The following SLC17A7 variants were observed in gnomAD, a reference collection of about 807,000 sequenced individuals.
SLC17A7 encodes solute carrier family 17 member 7, also known as vesicular glutamate transporter 1.
A neutral mutation model predicts 59.1 loss-of-function variants in SLC17A7; 15 were observed. The observed-to-expected ratio is 0.25, with a 90% CI of 0.17 to 0.39. SLC17A7 has a LOEUF of 0.39. Among genes scored for constraint, SLC17A7 ranks in the 10% least tolerant of loss-of-function variants. The pLI is 1.00. For missense variants in SLC17A7, 499 were observed against 765.1 expected, an observed-to-expected ratio of 0.65 and a Z score of 4.10; for synonymous variants, 353 against 308.9, an observed-to-expected ratio of 1.14 and a Z score of -1.50.
At chr19:49,434,104 C>A (rs1024979174) in intron 5 of SLC17A7, 58 bp from the exon 6 acceptor site, 5 of 1,115,458 alleles carry the variant, frequency 4.5e-6, no homozygotes, top group Non-Finnish European at 6.8e-6. Context: ...TCAAGGAGTG[C>A]GGACCCCCAC....
intron 11 of SLC17A7, 84 bp downstream of exon 11, chr19:49,430,931 A>G: frequency 3.2e-6 from 5 of 1,553,012 alleles, no homozygotes; most frequent in African/African-American, 1.4e-5. Flanking sequence ...CAGGGATGGC[A>G]CCCCAGAGAC....
Position 49,433,590 on chromosome 19 carries a change from T to C in SLC17A7, c.867+136A>G. The C allele has an allele frequency of 7.6e-7, 1 of 1,317,172 alleles. No individual in the cohort carries two copies. Among genetic ancestry groups the C allele is most frequent in the Non-Finnish European group, 1.1e-6 (1 of 935,558 alleles). 81.6% of individuals were successfully genotyped at this position (1,317,172 alleles called of 1,614,324 possible). Reference sequence around the variant, plus strand: ...CCTCCGCGGGTTGCAACCCGCCTCCTAGGTTCTAGCCCCTCTCTTTGCGTT... The same window carrying C: ...CCTCCGCGGGTTGCAACCCGCCTCCCAGGTTCTAGCCCCTCTCTTTGCGTT... On this transcript the variant is annotated intron_variant, in intron 7 of 11. Transcript: ENST00000221485. This position sits in a 1 kb window ranked among gnomAD's most constrained non-coding sequence, Gnocchi z 5.7.
rs1368681328 is a variant in SLC17A7, at chr19:49,439,869, A to AG, written c.62+1448dup. Among the ~76,000 whole-genome samples the AG allele has an allele frequency of 6.6e-5, 10 of 151,874 alleles. No homozygotes were observed. The East Asian group carries it at 1.5e-3, about 24-fold the overall frequency. ...GAGAAACAGAGGCAGAGACTGAGGG[A>AG]GGGGCCTGAGGAATACATCCCTCCC... On this transcript the variant is annotated intron_variant, in intron 1 of 11. Transcript: ENST00000221485.
rs1333810657 is a variant in SLC17A7, at chr19:49,430,020, G to A, written c.*499C>T. 1 of 164,152 alleles carries A rather than the reference G, an allele frequency of 6.1e-6. No homozygotes were observed. Among genetic ancestry groups the A allele is most frequent in the Non-Finnish European group, 1.3e-5 (1 of 75,976 alleles). 10.2% of individuals were successfully genotyped at this position (164,152 alleles called of 1,614,324 possible). The stretch of plus-strand genomic sequence containing the variant: ...CTGGTGAGAATCAATCCCTGGAATG[G>A]CGGGGACGAGTAATTGGTTAAACCA... On this transcript the variant is annotated 3_prime_UTR_variant, in exon 12 of 12. Coordinates refer to ENST00000221485, the MANE Select transcript of SLC17A7 (RefSeq NM_020309.4).
At chr19:49,434,529 G>A (rs543368876) in intron 5 of SLC17A7, 73 bp downstream of exon 5, 1 of 485,394 alleles carries the variant, frequency 2.1e-6, no homozygotes, top group Non-Finnish European at 3.6e-6. Flanking sequence ...GCCCCTCCCC[G>A]CTCAGACCCA....
In SLC17A7 at chr19:49,432,779, G is replaced by T; in HGVS notation, c.1017+32C>A. ...CCAGTTCCCTCCCGCCGACCCCTCCGCGCCCCCCTGCCCTCTCCTCCTGGG... is the reference window on the plus strand; with the variant it reads ...CCAGTTCCCTCCCGCCGACCCCTCCTCGCCCCCCTGCCCTCTCCTCCTGGG... On this transcript the variant is annotated intron_variant, in intron 8 of 11. Coordinates refer to ENST00000221485, the MANE Select transcript of SLC17A7 (RefSeq NM_020309.4). 3 of 1,569,028 alleles carry T rather than the reference G, an allele frequency of 1.9e-6. No individual in the cohort carries two copies. The South Asian group carries it at 3.4e-5, about 18-fold the overall frequency.
In SLC17A7 at chr19:49,435,273, CTGAACT is replaced by C; in HGVS notation, c.323_328del (p.Gln108_Ser110delinsArg). 1 of 1,613,438 alleles carries C rather than the reference CTGAACT, an allele frequency of 6.2e-7. No individual in the cohort carries two copies. Among genetic ancestry groups the C allele is most frequent in the Non-Finnish European group, 8.5e-7 (1 of 1,179,436 alleles). On this transcript the variant is annotated inframe_deletion, in exon 3 of 12. Transcript: ENST00000221485. ...GAGGCCGACAGTCTCTGGATCCCAG[CTGAACT>C]GGGCTTTCTGCGGGCCAAAATGTAC...
chr19:49,433,581 C>A lies in SLC17A7; in HGVS notation c.867+145G>T. Reference sequence around the variant, plus strand: ...GAATCTCGTCCTCCGCGGGTTGCAACCCGCCTCCTAGGTTCTAGCCCCTCT... The same window carrying A: ...GAATCTCGTCCTCCGCGGGTTGCAAACCGCCTCCTAGGTTCTAGCCCCTCT... On this transcript the variant is annotated intron_variant, in intron 7 of 11. Coordinates refer to ENST00000221485, the MANE Select transcript of SLC17A7 (RefSeq NM_020309.4). The surrounding 1 kb of genome is among the most constrained non-coding windows in gnomAD (Gnocchi z 5.7). 1.6e-6 allele frequency: 2 copies of A among 1,229,288 alleles called. No individual in the cohort carries two copies. The highest frequency in any genetic ancestry group is 1.2e-6 in the Non-Finnish European group (1 of 858,532). The allele number at this position is 1,229,288 out of a possible 1,614,324, so 76.1% of individuals were successfully genotyped here.
At position 49,436,362 on chromosome 19, in the gene SLC17A7, AG is replaced by A. The variant is rs1450513874; in HGVS notation, c.315+186del. Reference sequence around the variant, plus strand: ...CTTCATTTAGATCAGGACGGGGCTTAGGAAACGGAGGCGGCCCCTAAGGCGA... The same window carrying A: ...CTTCATTTAGATCAGGACGGGGCTTAGAAACGGAGGCGGCCCCTAAGGCGA... On this transcript the variant is annotated intron_variant, in intron 2 of 11. Coordinates refer to ENST00000221485, the MANE Select transcript of SLC17A7 (RefSeq NM_020309.4). This position sits in a 1 kb window ranked among gnomAD's most constrained non-coding sequence, Gnocchi z 4.1. Among the ~76,000 whole-genome samples the A allele has an allele frequency of 6.6e-6, 1 of 152,186 alleles. No individual in the cohort carries two copies. Among genetic ancestry groups the A allele is most frequent in the Non-Finnish European group, 1.5e-5 (1 of 68,022 alleles).
chr19:49,433,111 G>T lies in SLC17A7; in HGVS notation c.868-151C>A. ...GACCCAAAGGCGCGGGCTACACCAT[G>T]TTGCCGTGGGGACCCAGGGATCCTA... is the stretch of plus-strand genomic sequence containing the variant. On this transcript the variant is annotated intron_variant, in intron 7 of 11. Transcript: ENST00000221485. The surrounding 1 kb of genome is among the most constrained non-coding windows in gnomAD (Gnocchi z 5.7). The T allele has an allele frequency of 1.3e-6, 1 of 788,514 alleles. No homozygotes were observed. Among genetic ancestry groups the T allele is most frequent in the Non-Finnish European group, 2.0e-6 (1 of 498,460 alleles). The allele number at this position is 788,514 out of a possible 1,614,324, so 48.8% of individuals were successfully genotyped here.
rs748426290 is a variant in SLC17A7, at chr19:49,432,904, G to T, written c.924C>A (p.Ile308=). 1.9e-6 allele frequency: 3 copies of T among 1,604,308 alleles called. No homozygotes were observed. Among genetic ancestry groups the T allele is most frequent in the South Asian group, 1.1e-5 (1 of 88,964 alleles). Reference sequence around the variant, plus strand: ...TCCAGCTGCGGCAGAAGTTGGCCACGATGATGGCATAGACTGGCATAGACG... The same window carrying T: ...TCCAGCTGCGGCAGAAGTTGGCCACTATGATGGCATAGACTGGCATAGACG... The part of the protein sequence containing the change: ...FFTSMPVYAI[I]VANFCRSWTF... Residue 308 remains isoleucine (I), a synonymous_variant, in exon 8 of 12, where the codon ATC becomes ATA. Transcript: ENST00000221485.
chr19:49,434,663 C>A lies in SLC17A7; in HGVS notation c.576G>T (p.Gly192=). 2 of 1,614,084 alleles carry A rather than the reference C, an allele frequency of 1.2e-6. No individual in the cohort carries two copies. Among genetic ancestry groups the A allele is most frequent in the East Asian group, 2.2e-5 (1 of 44,884 alleles). ...AGGGTGGGGCCCATTTGCTCCAGAT[C>A]CCATGGCAGGCGGGGTATGTGACCC... ...VEGVTYPACH[G]IWSKWAPPLE... Residue 192 remains glycine (G), a synonymous_variant, in exon 5 of 12, where the codon GGG becomes GGT. Coordinates refer to ENST00000221485, the MANE Select transcript of SLC17A7 (RefSeq NM_020309.4).
chr19:49,440,136 C>T (rs561075241), intron 1 of SLC17A7, among the ~76,000 whole-genome samples: 6 of 152,188 alleles, frequency 3.9e-5, no homozygotes, highest in Non-Finnish European at 8.8e-5. Context: ...ATTCTTGTCT[C>T]TCATGTTACT....
rs1241485037 is a variant in SLC17A7, at chr19:49,432,817, G to T, written c.1011C>A (p.Ile337=). The change falls in exon 8 of 12, where the codon ATC becomes ATA. Residue 337 remains isoleucine, a synonymous_variant. Coordinates refer to ENST00000221485, the MANE Select transcript of SLC17A7 (RefSeq NM_020309.4). The part of the protein sequence containing the change: ...AYFEEVFGFE[I]SKVGLVSALP... ...CTCTCCTCCTGGGCTCTACCTTGCT[G>T]ATCTCGAAGCCGAACACTTCTTCGA... The T allele has an allele frequency of 6.3e-7, 1 of 1,589,376 alleles. No homozygotes were observed.
chr19:49,432,745 G>C, intron 8 of SLC17A7, 66 bp downstream of exon 8: 1 of 1,598,700 alleles, frequency 6.3e-7, no homozygotes, highest in Non-Finnish European at 8.5e-7. Flanking sequence ...CCCTGCCTCG[G>C]GATCGCCGCC....
In SLC17A7 at chr19:49,430,409, T is replaced by G. The variant is rs890916035; in HGVS notation, c.*110A>C. 5.2e-6 allele frequency: 4 copies of G among 772,108 alleles called. No homozygotes were observed. Among genetic ancestry groups the G allele is most frequent in the Admixed American group, 6.0e-5 (2 of 33,302 alleles). The allele number at this position is 772,108 out of a possible 1,614,324, so 47.8% of individuals were successfully genotyped here. A position where few individuals can be genotyped will look rare whatever the true frequency, so the allele number is the denominator to read the frequency against. ...CACTGGGAACAAGGGAGAGTGCTTCTTAGGCCTGAGGCAGGACAGAGAGGA... is the reference window on the plus strand; with the variant it reads ...CACTGGGAACAAGGGAGAGTGCTTCGTAGGCCTGAGGCAGGACAGAGAGGA... On this transcript the variant is annotated 3_prime_UTR_variant, in exon 12 of 12. Coordinates refer to ENST00000221485, the MANE Select transcript of SLC17A7 (RefSeq NM_020309.4).
intron 1 of SLC17A7, chr19:49,437,885 C>T (rs2078985895): frequency 1.4e-5 from 2 of 147,390 alleles, no homozygotes; most frequent in Non-Finnish European, 3.0e-5. Flanking sequence ...GGGACAGAGA[C>T]CCAGAGAGAG....
In SLC17A7 at chr19:49,431,405, C is replaced by T. The variant is rs770878008; in HGVS notation, c.1194G>A (p.Ser398=). The part of the protein sequence containing the change: ...EATLLLVVGY[S]HSKGVAISFL... Reference sequence around the variant, plus strand: ...AGGAGATGGCCACGCCCTTGGAGTGCGAGTAGCCGACCACCAACAGCAGCG... The same window carrying T: ...AGGAGATGGCCACGCCCTTGGAGTGTGAGTAGCCGACCACCAACAGCAGCG... Residue 398 remains serine (S), a synonymous_variant, in exon 10 of 12, where the codon TCG becomes TCA. Coordinates refer to ENST00000221485, the MANE Select transcript of SLC17A7 (RefSeq NM_020309.4). This position sits in a 1 kb window ranked among gnomAD's most constrained non-coding sequence, Gnocchi z 4.6. 4 of 1,614,060 alleles carry T rather than the reference C, an allele frequency of 2.5e-6. No homozygotes were observed. Among genetic ancestry groups the T allele is most frequent in the South Asian group, 1.1e-5 (1 of 91,078 alleles).
At position 49,433,638 on chromosome 19, in the gene SLC17A7, C is replaced by T. The variant is rs1369726844; in HGVS notation, c.867+88G>A. The T allele has an allele frequency of 6.4e-7, 1 of 1,563,182 alleles. No homozygotes were observed. Among genetic ancestry groups the T allele is most frequent in the Non-Finnish European group, 8.7e-7 (1 of 1,146,468 alleles). Reference sequence around the variant, plus strand: ...GTTCCAGTCCCGTCTCCTCTAGAGTCTGCAGGAACCGTCCCTGATCTACAC... The same window carrying T: ...GTTCCAGTCCCGTCTCCTCTAGAGTTTGCAGGAACCGTCCCTGATCTACAC... On this transcript the variant is annotated intron_variant, in intron 7 of 11. Transcript: ENST00000221485. The surrounding 1 kb of genome is among the most constrained non-coding windows in gnomAD (Gnocchi z 5.7).
Sources: gnomAD v4.1 joint callset for allele counts (sites outside exome capture counted in the v4.1 genomes callset) on GRCh38, gnomAD v4.1.1 for gene constraint, Gnocchi (gnomAD v3.1) non-coding constraint, MANE v1.5 for transcripts, NCBI Gene and HGNC (gene_info 2026-07-23, HGNC 2026-07-21) for gene names.